The following NTM variants were observed in gnomAD, a reference collection of about 807,000 sequenced individuals.
The protein encoded by NTM is IgLON family member 2.
NTM carries 13 observed loss-of-function variants against 42.1 expected under a neutral mutation model. The observed-to-expected ratio is 0.31, with a 90% confidence interval of 0.20 to 0.49. The LOEUF (loss-of-function observed/expected upper bound fraction) is 0.49, where lower values mean the gene tolerates loss of function less well. Ranked by LOEUF, NTM falls within the 20% of genes least tolerant of loss-of-function variation. The pLI is 0.99. For synonymous variants in NTM, 187 were observed against 179.2 expected (o/e 1.04, Z -0.35); for missense variants, 373 against 452.8 (o/e 0.82, Z 1.60).
chr11:131,557,200 A>T (rs1037336744), intron 1 of NTM, among the ~76,000 whole-genome samples: 1 of 152,164 alleles, frequency 6.6e-6, no homozygotes, highest in Non-Finnish European at 1.5e-5. Flanking sequence ...AAGTAGGGTA[A>T]CTAGGTTGCT....
At chr11:131,517,304 A>C (rs1415782922) in intron 1 of NTM, among the ~76,000 whole-genome samples, 3 of 152,218 alleles carry the variant, frequency 2.0e-5, no homozygotes, top group Non-Finnish European at 4.4e-5. Flanking sequence ...GATGTGAAAC[A>C]AAGACTCCAG....
intron 3 of NTM, among the ~76,000 whole-genome samples, chr11:132,171,462 G>C (rs1246142761): frequency 6.6e-6 from 1 of 152,168 alleles, no homozygotes; most frequent in Non-Finnish European, 1.5e-5. Flanking sequence ...TTCTCACATG[G>C]TGAGAGTGGT....
At chr11:132,169,332 T>TAC (rs2075797175) in intron 3 of NTM, among the ~76,000 whole-genome samples, 2 of 97,432 alleles carry the variant, frequency 2.1e-5, no homozygotes, top group African/African-American at 8.4e-5. Context: ...TTTTTTTTTT[T>TAC]TTTTTTTTTT....
intron 1 of NTM, among the ~76,000 whole-genome samples, chr11:131,695,328 G>A (rs2075316950): frequency 6.6e-6 from 1 of 152,168 alleles, no homozygotes; most frequent in Non-Finnish European, 1.5e-5. Context: ...CTCCCCCTGA[G>A]ATGATGTCAA....
chr11:131,730,991 A>G (rs570661980), intron 1 of NTM, among the ~76,000 whole-genome samples: 202 of 152,356 alleles, frequency 1.3e-3, no homozygotes, highest in African/African-American at 4.3e-3. Flanking sequence ...GCTTCAGTGC[A>G]TAGAACTACG....
intron 2 of NTM, among the ~76,000 whole-genome samples, chr11:132,037,457 T>G (rs768630107): frequency 6.6e-6 from 1 of 152,168 alleles, no homozygotes; most frequent in Non-Finnish European, 1.5e-5. Context: ...ACTGAGACAC[T>G]GGACAATAGT....
At chr11:131,836,643 C>T (rs1335152163) in intron 1 of NTM, among the ~76,000 whole-genome samples, 1 of 152,090 alleles carries the variant, frequency 6.6e-6, no homozygotes, top group Non-Finnish European at 1.5e-5. Context: ...GTGGTTGGAC[C>T]TTTACTGAGT....
At chr11:131,373,154 C>T (rs909129169) in intron 1 of NTM, among the ~76,000 whole-genome samples, 8 of 152,200 alleles carry the variant, frequency 5.3e-5, no homozygotes, top group African/African-American at 1.9e-4. Context: ...AAGGTGATGT[C>T]TGTTTTCTCT....
chr11:131,564,940 C>T (rs1479143218), intron 1 of NTM, among the ~76,000 whole-genome samples: 1 of 152,224 alleles, frequency 6.6e-6, no homozygotes, highest in East Asian at 1.9e-4. Context: ...TGTGCACTGC[C>T]CAGGCCGCAA....
intron 2 of NTM, among the ~76,000 whole-genome samples, chr11:131,985,729 TCA>T (rs1437758426): frequency 5.9e-5 from 9 of 152,170 alleles, no homozygotes; most frequent in African/African-American, 1.4e-4. Flanking sequence ...TAGAATTCAG[TCA>T]CAGTGTCACG....
intron 1 of NTM, among the ~76,000 whole-genome samples, chr11:131,767,643 G>A (rs1051279981): frequency 8.5e-5 from 13 of 152,164 alleles, no homozygotes; most frequent in African/African-American, 2.9e-4. Flanking sequence ...CAGGAAATGA[G>A]TCCTCGCCAG....
chr11:131,874,545 T>C (rs1365304988), intron 1 of NTM, among the ~76,000 whole-genome samples: 11 of 152,214 alleles, frequency 7.2e-5, no homozygotes, highest in Non-Finnish European at 1.6e-4. Flanking sequence ...ATTCAAATCT[T>C]ACAGGCCCCA....
At chr11:132,170,028 A>G (rs1208980450) in intron 3 of NTM, among the ~76,000 whole-genome samples, 5 of 152,226 alleles carry the variant, frequency 3.3e-5, no homozygotes, top group Non-Finnish European at 7.3e-5. Context: ...GAGAGGGAAC[A>G]CAGGTAGCTC....
intron 1 of NTM, among the ~76,000 whole-genome samples, chr11:131,688,229 C>T (rs761849058): frequency 1.3e-5 from 2 of 152,098 alleles, no homozygotes; most frequent in African/African-American, 4.8e-5. Flanking sequence ...AACAGGCTCC[C>T]GGGGCGGGGG....
intron 1 of NTM, among the ~76,000 whole-genome samples, chr11:131,529,477 A>G (rs2050945664): frequency 6.6e-6 from 1 of 152,150 alleles, no homozygotes; most frequent in South Asian, 2.1e-4. Context: ...TCAGAGGGTA[A>G]ATAGGATGGG....
chr11:131,792,421 C>T (rs1046248031), intron 1 of NTM, among the ~76,000 whole-genome samples: 1 of 152,038 alleles, frequency 6.6e-6, no homozygotes, highest in Admixed American at 6.5e-5. Context: ...TGAATTATTC[C>T]TGGTGGTGGT....
Position 132,134,753 on chromosome 11 carries a change from A to ATC in NTM, c.168-11528_168-11527insCT, listed in dbSNP as rs1242114738. Among the ~76,000 whole-genome samples, 119 of 97,880 alleles carry ATC rather than the reference A, an allele frequency of 1.2e-3. 8 individuals are homozygous for ATC. Among genetic ancestry groups the ATC allele is most frequent in the Middle Eastern group, 5.7e-3 (1 of 176 alleles). 64.2% of individuals were successfully genotyped at this position (97,880 alleles called of 152,430 possible). A position where few individuals can be genotyped will look rare whatever the true frequency, so the allele number is the denominator to read the frequency against. On this transcript the variant is annotated intron_variant, in intron 2 of 8. Transcript: ENST00000683400. ...TATATATATATATATATATATATAT[A>ATC]TATATATCTCACATTTTCTTTATCT...
At chr11:131,690,765 T>C (rs1053523394) in intron 1 of NTM, among the ~76,000 whole-genome samples, 1 of 152,124 alleles carries the variant, frequency 6.6e-6, no homozygotes, top group Admixed American at 6.5e-5. Flanking sequence ...GGGAACAAAA[T>C]GGGAGGATTC....
intron 3 of NTM, among the ~76,000 whole-genome samples, chr11:132,150,483 G>A (rs1290814622): frequency 6.6e-6 from 1 of 152,192 alleles, no homozygotes; most frequent in African/African-American, 2.4e-5. Flanking sequence ...ATCAGCAGGT[G>A]TTAAAGCTAG....
Sources: gnomAD v4.1 joint callset for allele counts (sites outside exome capture counted in the v4.1 genomes callset) on GRCh38, gnomAD v4.1.1 for gene constraint, MANE v1.5 for transcripts, NCBI Gene and HGNC (gene_info 2026-07-23, HGNC 2026-07-21) for gene names.